Variants in GCG observed in about 807,000 individuals in gnomAD.
The protein encoded by GCG is pro-glucagon.
A neutral mutation model predicts 22.8 loss-of-function variants in GCG; 11 were observed. The ratio of observed to expected loss-of-function variants is 0.48; its 90% CI spans 0.30 to 0.80. The LOEUF (loss-of-function observed/expected upper bound fraction) is 0.80, where lower values mean the gene tolerates loss of function less well. Ranked by LOEUF, GCG falls within the 30% of genes least tolerant of loss-of-function variation. The pLI is 0.06. For missense variants in GCG, 222 were observed against 222.0 expected (o/e 1.00, Z 0.00); for synonymous variants, 89 against 72.4 (o/e 1.23, Z -1.16).
At chr2:162,144,312 C>G in intron 4 of GCG, 142 bp from the exon 5 acceptor site, 1 of 661,462 alleles carries the variant, frequency 1.5e-6, no homozygotes, top group Non-Finnish European at 2.6e-6. Context: ...TGTGAAATAC[C>G]TGATAAAAAC....
intron 2 of GCG, among the ~76,000 whole-genome samples, chr2:162,148,030 A>G (rs983721955): frequency 6.6e-6 from 1 of 152,184 alleles, no homozygotes; most frequent in East Asian, 1.9e-4. Flanking sequence ...TTGAAACTGT[A>G]TCAGGAATAA....
intron 2 of GCG, among the ~76,000 whole-genome samples, chr2:162,148,176 G>T (rs1686741670): frequency 6.6e-6 from 1 of 152,062 alleles, no homozygotes; most frequent in African/African-American, 2.4e-5. Flanking sequence ...AGGATATTAT[G>T]AGGAGTATTT....
Position 162,143,293 on chromosome 2 carries a change from G to A in GCG, c.*71C>T, listed in dbSNP as rs1392524581. 1 of 771,806 alleles carries A rather than the reference G, an allele frequency of 1.3e-6. No homozygotes were observed. The highest frequency in any genetic ancestry group is 1.8e-5 in the African/African-American group (1 of 56,452). 47.8% of individuals were successfully genotyped at this position (771,806 alleles called of 1,614,324 possible). On this transcript the variant is annotated 3_prime_UTR_variant, in exon 6 of 6. Coordinates refer to ENST00000418842, the MANE Select transcript of GCG (RefSeq NM_002054.5). ...CAGAATACACCTCTTAAATTTACAG[G>A]ACTTAACATTTCAAACATCCCACGT...
chr2:162,146,428 C>T (rs919864709), intron 3 of GCG, among the ~76,000 whole-genome samples: 1 of 151,974 alleles, frequency 6.6e-6, no homozygotes, highest in Admixed American at 6.6e-5. Flanking sequence ...TAAGAGGGAC[C>T]TCTCCCAGTG....
chr2:162,146,589 C>T (rs893420159), intron 3 of GCG, among the ~76,000 whole-genome samples: 2 of 151,102 alleles, frequency 1.3e-5, no homozygotes, highest in Admixed American at 1.3e-4. Flanking sequence ...CTTACTCTCA[C>T]TCTCTCTCTT....
chr2:162,147,363 T>C lies in GCG; in HGVS notation c.244A>G (p.Lys82Glu), dbSNP rs1316948980. The change falls in exon 3 of 6, where the codon AAG (lysine) becomes GAG (glutamate). Residue 82 changes from lysine (K) to glutamate (E), a missense_variant. Lys to Glu is a moderately conservative substitution (Grantham distance 56, BLOSUM62 1). Transcript: ENST00000418842. Reference sequence around the variant, plus strand: ...GGCTTAGACTCTTACCTGTTCCTCTTGGTATTCATCAACCACTGCACAAAA... The same window carrying C: ...GGCTTAGACTCTTACCTGTTCCTCTCGGTATTCATCAACCACTGCACAAAA... Reference protein sequence around the residue: ...QDFVQWLMNTKRNRNNIAKRH... With the variant: ...QDFVQWLMNTERNRNNIAKRH... 1.2e-6 allele frequency: 2 copies of C among 1,612,664 alleles called. No individual in the cohort carries two copies. The highest frequency in any genetic ancestry group is 3.3e-5 in the Admixed American group (2 of 59,970).
intron 1 of GCG, among the ~76,000 whole-genome samples, chr2:162,149,915 A>C (rs1273233950): frequency 6.6e-6 from 1 of 152,174 alleles, no homozygotes; most frequent in African/African-American, 2.4e-5. Flanking sequence ...ATGTAAAAAA[A>C]AATTAGAGCT....
At chr2:162,149,498 A>G (rs1686781780) in intron 1 of GCG, among the ~76,000 whole-genome samples, 1 of 152,150 alleles carries the variant, frequency 6.6e-6, no homozygotes, top group African/African-American at 2.4e-5. Flanking sequence ...AATGTCCACA[A>G]TCAACATTTA....
chr2:162,146,562 CTCTCTCTCTCT>C (rs1559749520), intron 3 of GCG, among the ~76,000 whole-genome samples: 2 of 150,522 alleles, frequency 1.3e-5, no homozygotes, highest in African/African-American at 5.0e-5. Flanking sequence ...CTCTCTCTCT[CTCTCTCTCTCT>C]CCTTTCTTAC....
intron 4 of GCG, chr2:162,144,714 T>G (rs7569992): frequency 0.11 from 16,952 of 152,166 alleles, 1,919 homozygotes; most frequent in Admixed American, 0.27. Flanking sequence ...CAACCATTAT[T>G]CTAGTTCTCT....
In GCG at chr2:162,145,968, T is replaced by C. The variant is rs570306670; in HGVS notation, c.255-291A>G. On this transcript the variant is annotated intron_variant, in intron 3 of 5. Transcript: ENST00000418842. ...ATTGGTTATTAAAGCTGCCTTACCTTTGACTTCAGTCTCAATGGATACAGG... is the reference window on the plus strand; with the variant it reads ...ATTGGTTATTAAAGCTGCCTTACCTCTGACTTCAGTCTCAATGGATACAGG... 4.6e-5 allele frequency among the ~76,000 whole-genome samples: 7 copies of C among 152,302 alleles called. No individual in the cohort carries two copies. In the South Asian group the frequency reaches 1.2e-3, roughly 27 times the overall value.
At position 162,152,143 on chromosome 2, in the gene GCG, T is replaced by G. The variant is rs1686855508; in HGVS notation, c.-10+15A>C. ...TGTCCGCCAAACAGGATTTACAATT[T>G]TATAATCATCTTACCTTCTGGTAGT... On this transcript the variant is annotated intron_variant, in intron 1 of 5. Coordinates refer to ENST00000418842, the MANE Select transcript of GCG (RefSeq NM_002054.5). 1 of 152,570 alleles carries G rather than the reference T, an allele frequency of 6.6e-6. No individual in the cohort carries two copies. Among genetic ancestry groups the G allele is most frequent in the African/African-American group, 2.4e-5 (1 of 41,438 alleles). 9.5% of individuals were successfully genotyped at this position (152,570 alleles called of 1,614,324 possible). A position where few individuals can be genotyped will look rare whatever the true frequency, so the allele number is the denominator to read the frequency against.
At chr2:162,148,917 C>T (rs1304107871) in intron 2 of GCG, among the ~76,000 whole-genome samples, 170 bp downstream of exon 2, 1 of 137,876 alleles carries the variant, frequency 7.3e-6, no homozygotes, top group East Asian at 2.2e-4. Context: ...AACACAAACT[C>T]TGATCTACAC....
chr2:162,148,233 C>T (rs1010777926), intron 2 of GCG, among the ~76,000 whole-genome samples: 1 of 152,016 alleles, frequency 6.6e-6, no homozygotes, highest in Non-Finnish European at 1.5e-5. Flanking sequence ...TTCTGGAAAG[C>T]AAGTTGGCAA....
chr2:162,143,890 C>T, intron 5 of GCG, 137 bp downstream of exon 5: 1 of 721,094 alleles, frequency 1.4e-6, no homozygotes, highest in East Asian at 2.7e-5. Flanking sequence ...TCTTATATGA[C>T]TTAAACATGC....
In GCG at chr2:162,143,100, G is replaced by T. The variant is rs1157009513; in HGVS notation, c.*264C>A. On this transcript the variant is annotated 3_prime_UTR_variant, in exon 6 of 6. Transcript: ENST00000418842. ...TAATTTTATCGCTAAATGTAAACAG[G>T]TTGGGGTACTTCATCCAAAATAAGA... 3 of 341,394 alleles carry T rather than the reference G, an allele frequency of 8.8e-6. No individual in the cohort carries two copies. The highest frequency in any genetic ancestry group is 2.1e-5 in the African/African-American group (1 of 46,948). 21.1% of individuals were successfully genotyped at this position (341,394 alleles called of 1,614,324 possible).
rs772255194 is a variant in GCG at position 162,147,400 on chromosome 2, C to T, written c.207G>A (p.Arg69=). ...TSDYSKYLDS[R]RAQDFVQWLM... ...ACCACTGCACAAAATCTTGGGCACG[C>T]CTGGAGTCCAGATACTTGCTGTAGT... The change falls in exon 3 of 6, where the codon AGG becomes AGA. Residue 69 remains arginine, a synonymous_variant. Coordinates refer to ENST00000418842, the MANE Select transcript of GCG (RefSeq NM_002054.5). 2.5e-6 allele frequency: 4 copies of T among 1,613,166 alleles called. No individual in the cohort carries two copies. The highest frequency in any genetic ancestry group is 3.4e-6 in the Non-Finnish European group (4 of 1,179,390).
Position 162,143,223 on chromosome 2 carries a change from C to A in GCG, c.*141G>T. 4.6e-6 allele frequency: 2 copies of A among 433,328 alleles called. No homozygotes were observed. Among genetic ancestry groups the A allele is most frequent in the Non-Finnish European group, 8.4e-6 (2 of 236,802 alleles). 26.8% of individuals were successfully genotyped at this position (433,328 alleles called of 1,614,324 possible). A position where few individuals can be genotyped will look rare whatever the true frequency, so the allele number is the denominator to read the frequency against. On this transcript the variant is annotated 3_prime_UTR_variant, in exon 6 of 6. Coordinates refer to ENST00000418842, the MANE Select transcript of GCG (RefSeq NM_002054.5). The stretch of plus-strand genomic sequence containing the variant: ...CCATTTGTAATTTTTGGCTACACAA[C>A]ACTAAAAGAAAATTTATTTATTGGC...
chr2:162,147,682 C>G, intron 2 of GCG, 168 bp from the exon 3 acceptor site: 1 of 752,354 alleles, frequency 1.3e-6, no homozygotes. Flanking sequence ...ATGAGAATCC[C>G]TTCGTTTTAG....
Sources: allele counts gnomAD v4.1 joint callset (sites outside exome capture counted in the v4.1 genomes callset), GRCh38; gene constraint gnomAD v4.1.1; transcripts MANE v1.5; gene names NCBI Gene and HGNC (gene_info 2026-07-23, HGNC 2026-07-21).